The following VSTM4 variants were observed in gnomAD, a reference collection of about 807,000 sequenced individuals.
VSTM4 encodes the protein V-set and transmembrane domain containing 4.
A neutral mutation model predicts 36.4 loss-of-function variants in VSTM4; 20 were observed. That is an observed-to-expected ratio of 0.55 (90% CI 0.39 to 0.80). The LOEUF (loss-of-function observed/expected upper bound fraction) is 0.80, where lower values mean the gene tolerates loss of function less well. Among genes scored for constraint, VSTM4 ranks in the 30% least tolerant of loss-of-function variants. VSTM4 has a pLI of 0.00. For synonymous variants in VSTM4, 182 were observed against 173.9 expected (o/e 1.05, Z -0.37); for missense variants, 392 against 404.5 (o/e 0.97, Z 0.26).
chr10:49,087,911 G>A (rs1426756749), intron 2 of VSTM4, among the ~76,000 whole-genome samples: 1 of 143,700 alleles, frequency 7.0e-6, no homozygotes, highest in African/African-American at 2.6e-5. Flanking sequence ...TGTTATATAT[G>A]TATATATATA....
chr10:49,067,889 T>C (rs117786596), intron 4 of VSTM4, among the ~76,000 whole-genome samples: 1,557 of 152,286 alleles, frequency 0.01, 17 homozygotes, highest in Non-Finnish European at 0.017. Flanking sequence ...AATCCGAAGA[T>C]GCTCAAGACC....
chr10:49,094,046 C>T (rs1168261903), intron 2 of VSTM4, among the ~76,000 whole-genome samples: 8 of 152,114 alleles, frequency 5.3e-5, no homozygotes, highest in Non-Finnish European at 8.8e-5. Context: ...GGTGCCCGGC[C>T]GTCATAGTTA....
intron 4 of VSTM4, 113 bp downstream of exon 4, chr10:49,077,104 AAT>A (rs765949682): frequency 6.8e-6 from 7 of 1,035,910 alleles, no homozygotes; most frequent in Non-Finnish European, 1.0e-5. Flanking sequence ...ACAGGTAAAT[AAT>A]CCCTGACTCA....
At chr10:49,052,155 A>G (rs1002448597) in intron 5 of VSTM4, among the ~76,000 whole-genome samples, 3 of 152,210 alleles carry the variant, frequency 2.0e-5, no homozygotes, top group African/African-American at 7.2e-5. Context: ...GGTCATGGAA[A>G]AGGACCATTT....
At chr10:49,102,160 GT>G (rs34340736) in intron 2 of VSTM4, 100,961 of 148,206 alleles carry the variant, frequency 0.68, 35,907 homozygotes, top group African/African-American at 0.9. Flanking sequence ...TTTGTTTTTT[GT>G]TTTTTTTTTT....
intron 3 of VSTM4, among the ~76,000 whole-genome samples, chr10:49,082,974 A>C (rs1161411078): frequency 6.6e-6 from 1 of 152,204 alleles, no homozygotes; most frequent in Non-Finnish European, 1.5e-5. Context: ...AGCCCCACCA[A>C]GCCAGGGCCA....
chr10:49,059,600 T>C (rs1395642903), intron 5 of VSTM4, among the ~76,000 whole-genome samples: 2 of 152,160 alleles, frequency 1.3e-5, no homozygotes, highest in Admixed American at 6.5e-5. Flanking sequence ...CCTGAGCATG[T>C]TGGCGGGCTG....
intron 2 of VSTM4, among the ~76,000 whole-genome samples, chr10:49,106,163 T>C (rs1028511277): frequency 6.6e-6 from 1 of 152,370 alleles, no homozygotes; most frequent in Admixed American, 6.5e-5. Flanking sequence ...TTACTCTATG[T>C]CCCTTATTCA....
chr10:49,101,074 A>G (rs897058147), intron 2 of VSTM4, among the ~76,000 whole-genome samples: 6 of 152,114 alleles, frequency 3.9e-5, no homozygotes, highest in African/African-American at 1.4e-4. Flanking sequence ...TAAAAATATT[A>G]AAGAAAAATA....
chr10:49,068,300 C>T (rs898226826), intron 4 of VSTM4, among the ~76,000 whole-genome samples: 4 of 152,036 alleles, frequency 2.6e-5, no homozygotes, highest in African/African-American at 9.7e-5. Context: ...CATGAGCTGA[C>T]CGGTGTTTTG....
chr10:49,083,437 G>T (rs1015824884), intron 3 of VSTM4, among the ~76,000 whole-genome samples: 2 of 152,174 alleles, frequency 1.3e-5, no homozygotes, highest in African/African-American at 4.8e-5. Flanking sequence ...GGGATCATGC[G>T]CCAGGGAGTT....
At chr10:49,029,885 T>C (rs1446316525) in intron 7 of VSTM4, among the ~76,000 whole-genome samples, 3 of 152,056 alleles carry the variant, frequency 2.0e-5, no homozygotes, top group South Asian at 2.1e-4. Context: ...TTCCCAAAGA[T>C]AGAAACATGG....
rs905706406 is a variant in VSTM4, at chr10:49,018,005, G to A, written c.*1645C>T. On this transcript the variant is annotated 3_prime_UTR_variant, in exon 8 of 8. Transcript: ENST00000332853. Reference sequence around the variant, plus strand: ...AGATCTGGCAGAGAGGGAGGAATGAGACACAGGTGTTATCCAGAGAGGGTG... The same window carrying A: ...AGATCTGGCAGAGAGGGAGGAATGAAACACAGGTGTTATCCAGAGAGGGTG... 1 of 152,232 alleles carries A rather than the reference G, an allele frequency of 6.6e-6. No individual in the cohort carries two copies. The highest frequency in any genetic ancestry group is 6.5e-5 in the Admixed American group (1 of 15,286). 9.4% of individuals were successfully genotyped at this position (152,232 alleles called of 1,614,324 possible). A position where few individuals can be genotyped will look rare whatever the true frequency, so the allele number is the denominator to read the frequency against.
At chr10:49,061,861 C>G (rs181653202) in intron 5 of VSTM4, among the ~76,000 whole-genome samples, 1 of 152,274 alleles carries the variant, frequency 6.6e-6, no homozygotes, top group East Asian at 1.9e-4. Context: ...GTATTTAGAT[C>G]ATTTACATTT....
Position 49,074,331 on chromosome 10 carries a change from G to C in VSTM4, c.634+2888C>G, listed in dbSNP as rs151292431. ...TAGTAGAGATCATTCCAAAATACTT[G>C]TTGTAAAAGCAGGATGCTTGATGGG... On this transcript the variant is annotated intron_variant, in intron 4 of 7. Transcript: ENST00000332853. Among the ~76,000 whole-genome samples the C allele has an allele frequency of 6.1e-4, 93 of 152,310 alleles. 1 individual carries two copies. The East Asian group carries it at 0.017, about 27-fold the overall frequency.
At chr10:49,089,767 G>T (rs17782673) in intron 2 of VSTM4, among the ~76,000 whole-genome samples, 15,116 of 152,242 alleles carry the variant, frequency 0.099, 988 homozygotes, top group East Asian at 0.21. Context: ...TTTTCCCAAG[G>T]TTCTCCCATA....
Position 49,019,734 on chromosome 10 carries a change from C to T in VSTM4, c.879G>A (p.Glu293=). 6.2e-7 allele frequency: 1 copy of T among 1,613,964 alleles called. No homozygotes were observed. The highest frequency in any genetic ancestry group is 8.5e-7 in the Non-Finnish European group (1 of 1,179,952). Residue 293 remains glutamate (E), a synonymous_variant, in exon 8 of 8, where the codon GAG becomes GAA. Coordinates refer to ENST00000332853, the MANE Select transcript of VSTM4 (RefSeq NM_001031746.5). ...TGGCAGCCCGGTGGGGTTTGATCAG[C>T]TCCAGTTCGGCATAGGTTAAGTTTT... is the stretch of plus-strand genomic sequence containing the variant. ...AEENLTYAEL[E]LIKPHRAAKG...
chr10:49,103,062 A>G (rs1844697360), intron 2 of VSTM4: 1 of 152,352 alleles, frequency 6.6e-6, no homozygotes, highest in African/African-American at 2.4e-5. Context: ...AGGTCAATTC[A>G]CTTCTTGAAA....
chr10:49,051,407 TTC>T (rs1554831188), intron 5 of VSTM4, among the ~76,000 whole-genome samples: 11 of 150,920 alleles, frequency 7.3e-5, no homozygotes, highest in Non-Finnish European at 1.6e-4. Context: ...TTTTTTTTTT[TTC>T]TTTTTTGAGA....
Sources: gnomAD v4.1 joint callset for allele counts (sites outside exome capture counted in the v4.1 genomes callset) on GRCh38, gnomAD v4.1.1 for gene constraint, MANE v1.5 for transcripts, NCBI Gene and HGNC (gene_info 2026-07-23, HGNC 2026-07-21) for gene names.